Variants in CNBD1 observed in about 807,000 individuals in gnomAD.
CNBD1 encodes the protein cyclic nucleotide-binding domain-containing protein 1.
In CNBD1, 71 loss-of-function variants were observed where a neutral mutation model predicts 54.4. The ratio of observed to expected loss-of-function variants is 1.30; its 90% confidence interval spans 1.08 to 1.59. The LOEUF is 1.59. Ranked by LOEUF, CNBD1 falls within the 40% of genes most tolerant of loss-of-function variation. The probability of loss-of-function intolerance (pLI) is 0.00; values close to 1 mark genes in which losing one functional copy is unlikely to be tolerated. For synonymous variants in CNBD1, 182 were observed against 170.7 expected (o/e 1.07, Z -0.51); for missense variants, 659 against 518.0 (o/e 1.27, Z -2.64).
chr8:87,406,479 C>CT (rs1214001647), intron 2 of CNBD1, among the ~76,000 whole-genome samples: 1,647 of 82,702 alleles, frequency 0.02, 32 homozygotes, highest in African/African-American at 0.047. Flanking sequence ...CACACACACA[C>CT]TTTTTTTTTT....
chr8:87,407,828 G>C (rs879682878), intron 2 of CNBD1, among the ~76,000 whole-genome samples: 2 of 151,778 alleles, frequency 1.3e-5, no homozygotes, highest in African/African-American at 2.4e-5. Context: ...TTACTCATTT[G>C]AATAATGACT....
intron 4 of CNBD1, among the ~76,000 whole-genome samples, chr8:87,126,476 T>G (rs1178265696): frequency 1.3e-5 from 2 of 152,054 alleles, no homozygotes; most frequent in African/African-American, 4.8e-5. Context: ...TCAAATCTTA[T>G]GTCCATTTGT....
chr8:87,064,843 A>AAT (rs1426281140), intron 4 of CNBD1, among the ~76,000 whole-genome samples: 5 of 151,940 alleles, frequency 3.3e-5, no homozygotes, highest in African/African-American at 1.2e-4. Context: ...TCATCACTTT[A>AAT]GTACAACAGA....
At chr8:87,368,768 A>C (rs1810697276) in intron 10 of CNBD1, among the ~76,000 whole-genome samples, 2 of 152,176 alleles carry the variant, frequency 1.3e-5, no homozygotes, top group African/African-American at 2.4e-5. Context: ...GTCTGTGCTT[A>C]GACAAAATTA....
At chr8:87,089,145 G>A (rs540210929) in intron 4 of CNBD1, among the ~76,000 whole-genome samples, 34 of 152,194 alleles carry the variant, frequency 2.2e-4, no homozygotes, top group Non-Finnish European at 4.3e-4. Flanking sequence ...AATATCATTT[G>A]GTGGGAGAGA....
At chr8:87,385,115 C>G (rs57394294), downstream of CNBD1, among the ~76,000 whole-genome samples, 1,088 of 152,082 alleles carry the variant, frequency 7.2e-3, 12 homozygotes, top group African/African-American at 0.025. Context: ...ATTAAAAAGT[C>G]CATGTAAAAG....
At chr8:87,409,061 A>G (rs1312180990) in intron 2 of CNBD1, among the ~76,000 whole-genome samples, 1 of 152,182 alleles carries the variant, frequency 6.6e-6, no homozygotes, top group Non-Finnish European at 1.5e-5. Context: ...TTTACTTTAA[A>G]TCAAAATGTA....
At chr8:87,015,977 CAAAAAAAAAAAAAA>C (rs58453987) in intron 4 of CNBD1, among the ~76,000 whole-genome samples, 2 of 55,968 alleles carry the variant, frequency 3.6e-5, no homozygotes, top group African/African-American at 1.4e-4. Context: ...GAATCCGTCT[CAAAAAAAAAAAAAA>C]AAAAAAAAAA....
In CNBD1 at chr8:87,286,657, T is replaced by G. The variant is rs2130871571; in HGVS notation, c.1028T>G (p.Phe343Cys). 6.5e-7 allele frequency: 1 copy of G among 1,542,372 alleles called. No homozygotes were observed. Among genetic ancestry groups the G allele is most frequent in the Non-Finnish European group, 8.8e-7 (1 of 1,140,384 alleles). Residue 343 changes from phenylalanine to cysteine, a missense_variant, in exon 8 of 11, where the codon TTT becomes TGT. Coordinates refer to ENST00000518476, the MANE Select transcript of CNBD1 (RefSeq NM_173538.3). Reference protein sequence around the residue: ...ELIALLKWKKFPPGHVIVESG... With the variant: ...ELIALLKWKKCPPGHVIVESG... ...ATTGCACTCCTTAAATGGAAAAAAT[T>G]TCCTCCAGGTCATGGTAAGTTTAAT...
chr8:87,222,458 A>G (rs1814360843), intron 5 of CNBD1, among the ~76,000 whole-genome samples: 1 of 152,154 alleles, frequency 6.6e-6, no homozygotes, highest in African/African-American at 2.4e-5. Flanking sequence ...GTGAAGAAAG[A>G]TCCCAGAGGA....
intron 10 of CNBD1, among the ~76,000 whole-genome samples, chr8:87,368,420 G>A (rs1008242972): frequency 9.9e-5 from 15 of 151,994 alleles, no homozygotes; most frequent in African/African-American, 3.6e-4. Flanking sequence ...AGGACTGTTT[G>A]AGGCCAGGAG....
At chr8:87,288,625 C>T (rs1808736178) in intron 8 of CNBD1, among the ~76,000 whole-genome samples, 1 of 151,980 alleles carries the variant, frequency 6.6e-6, no homozygotes, top group African/African-American at 2.4e-5. Context: ...TAAAAAGGTA[C>T]TGAGACAGTT....
chr8:87,422,891 T>G (rs1448385433), intron 2 of CNBD1, among the ~76,000 whole-genome samples: 3 of 152,274 alleles, frequency 2.0e-5, no homozygotes, highest in African/African-American at 7.2e-5. Flanking sequence ...CGATACTGAT[T>G]CTTCCTACCC....
rs151001265 is a variant in CNBD1 at position 87,309,405 on chromosome 8, G to A, written c.1042+22734G>A. 4.3e-3 allele frequency among the ~76,000 whole-genome samples: 650 copies of A among 151,680 alleles called. 7 individuals are homozygous for A. The highest frequency in any genetic ancestry group is 0.015 in the African/African-American group (620 of 41,300). On this transcript the variant is annotated intron_variant, in intron 8 of 10. Transcript: ENST00000518476. ...CTAATATTTTAGCTGTCTTTTATTC[G>A]GGTCAACATTTAAATTACAGATTTT...
chr8:87,301,834 C>A (rs1404429480), intron 8 of CNBD1, among the ~76,000 whole-genome samples: 1 of 152,160 alleles, frequency 6.6e-6, no homozygotes, highest in Non-Finnish European at 1.5e-5. Flanking sequence ...GAAATACAAA[C>A]TACCATCAGA....
chr8:87,088,153 T>A (rs11984899), intron 4 of CNBD1, among the ~76,000 whole-genome samples: 1,588 of 151,898 alleles, frequency 0.01, 37 homozygotes, highest in African/African-American at 0.037. Context: ...TGCTTATTAG[T>A]TTTTTTCCCC....
intron 4 of CNBD1, among the ~76,000 whole-genome samples, chr8:87,197,764 A>G (rs1813751743): frequency 6.6e-6 from 1 of 152,344 alleles, no homozygotes; most frequent in East Asian, 1.9e-4. Context: ...TCAAAATGAT[A>G]AAGAGCTGTA....
At chr8:87,401,070 TG>T (rs1465702886) in intron 2 of CNBD1, among the ~76,000 whole-genome samples, 1 of 151,888 alleles carries the variant, frequency 6.6e-6, no homozygotes, top group African/African-American at 2.4e-5. Flanking sequence ...AACTAGAGAG[TG>T]ATTAGTGTAC....
intron 2 of CNBD1, among the ~76,000 whole-genome samples, chr8:87,404,776 C>T (rs1407161167): frequency 6.6e-6 from 1 of 152,100 alleles, no homozygotes; most frequent in South Asian, 2.1e-4. Context: ...ATTTAATTTA[C>T]TATCCAGATC....
Sources: gnomAD v4.1 joint callset for allele counts (sites outside exome capture counted in the v4.1 genomes callset) on GRCh38, gnomAD v4.1.1 for gene constraint, MANE v1.5 for transcripts, NCBI Gene and HGNC (gene_info 2026-07-23, HGNC 2026-07-21) for gene names.